LRBA: variants seen among roughly 807,000 people sequenced by gnomAD.
LRBA encodes lipopolysaccharide-responsive and beige-like anchor protein.
A neutral mutation model predicts 330.0 loss-of-function variants in LRBA; 176 were observed. The observed-to-expected ratio is 0.53, with a 90% CI of 0.47 to 0.60. The LOEUF is 0.60. Among genes scored for constraint, LRBA ranks in the 20% least tolerant of loss-of-function variants. LRBA has a pLI of 0.00. For synonymous variants in LRBA, 1,230 were observed against 1,193.0 expected (o/e 1.03, Z -0.64); for missense variants, 3,259 against 3,444.8 (o/e 0.95, Z 1.35).
intron 51 of LRBA, among the ~76,000 whole-genome samples, chr4:150,314,253 C>A (rs1345740803): frequency 1.3e-5 from 2 of 152,036 alleles, no homozygotes; most frequent in Non-Finnish European, 2.9e-5. Flanking sequence ...ATTTTCCTGA[C>A]TTTTAAACTA....
At chr4:150,784,326 T>C (rs1560812803) in intron 34 of LRBA, among the ~76,000 whole-genome samples, 1 of 152,200 alleles carries the variant, frequency 6.6e-6, no homozygotes, top group African/African-American at 2.4e-5. Flanking sequence ...CTTGTAAAAG[T>C]CCTGGCTCTT....
intron 40 of LRBA, among the ~76,000 whole-genome samples, chr4:150,522,797 G>T (rs1763061002): frequency 6.6e-6 from 1 of 152,214 alleles, no homozygotes. Flanking sequence ...GTGGAGGCAT[G>T]ACTTCTCCAC....
intron 22 of LRBA, among the ~76,000 whole-genome samples, chr4:150,860,610 G>A (rs924140271): frequency 3.3e-5 from 5 of 152,046 alleles, no homozygotes; most frequent in Non-Finnish European, 4.4e-5. Context: ...CGTGGATCAC[G>A]AGGTCAGGAG....
rs185945225 is a variant in LRBA, at chr4:150,735,469, T to C, written c.5646-103A>G. On this transcript the variant is annotated intron_variant, in intron 35 of 56. Coordinates refer to ENST00000651943, the MANE Select transcript of LRBA (RefSeq NM_001364905.1). ...GAGGAAGGAATACTTACTTTCTTCTTTTGACATCATACACAATGAGGTACC... is the reference window on the plus strand; with the variant it reads ...GAGGAAGGAATACTTACTTTCTTCTCTTGACATCATACACAATGAGGTACC... 73 of 766,772 alleles carry C rather than the reference T, an allele frequency of 9.5e-5. 1 individual carries two copies. The Admixed American group carries it at 1.4e-3, about 15-fold the overall frequency. The allele number at this position is 766,772 out of a possible 1,614,324, so 47.5% of individuals were successfully genotyped here.
chr4:150,764,417 A>G (rs1029806277), intron 34 of LRBA, among the ~76,000 whole-genome samples: 1 of 152,030 alleles, frequency 6.6e-6, no homozygotes, highest in Non-Finnish European at 1.5e-5. Flanking sequence ...TCTACAAAAA[A>G]TCCTGGAATA....
Position 150,906,333 on chromosome 4 carries a change from A to T in LRBA, c.1566T>A (p.Cys522Ter). 6.2e-7 allele frequency: 1 copy of T among 1,611,566 alleles called. No homozygotes were observed. Among genetic ancestry groups the T allele is most frequent in the East Asian group, 2.2e-5 (1 of 44,832 alleles). The change falls in exon 12 of 57, where the codon TGT becomes TGA. Residue 522 changes from cysteine to a stop codon, truncating the protein, a stop_gained. Coordinates refer to ENST00000651943, the MANE Select transcript of LRBA (RefSeq NM_001364905.1). LOFTEE classifies it high-confidence loss of function. ...TATATCCTATTACCAAGAAGCCCTT[A>T]CAGGCAAGCATCTGTTCCTGCATAG... ...SIAMQEQMLA[C>*]KGFLVIGYSL...
At chr4:150,900,291 T>G in intron 13 of LRBA, 74 bp from the exon 14 acceptor site, 1 of 1,115,366 alleles carries the variant, frequency 9.0e-7, no homozygotes, top group Non-Finnish European at 1.3e-6. Context: ...TTCCAGGCTG[T>G]TTTATTTTCA....
chr4:151,009,022 TATATAA>T (rs771423100), intron 2 of LRBA, among the ~76,000 whole-genome samples: 1,159 of 18,942 alleles, frequency 0.061, 332 homozygotes, highest in African/African-American at 0.1. Context: ...TATATATATA[TATATAA>T]AATGGTATTT....
At chr4:150,494,263 C>G (rs147496799) in intron 40 of LRBA, among the ~76,000 whole-genome samples, 520 of 152,196 alleles carry the variant, frequency 3.4e-3, no homozygotes, top group Non-Finnish European at 5.5e-3. Context: ...ATCTGTTAAA[C>G]TAGAACCCAA....
chr4:150,677,970 C>T (rs1226502824), intron 37 of LRBA, among the ~76,000 whole-genome samples: 3 of 151,934 alleles, frequency 2.0e-5, no homozygotes, highest in East Asian at 1.9e-4. Flanking sequence ...CCAGGCATGG[C>T]GGCTCACACC....
At chr4:150,726,523 T>C (rs1729697613) in intron 36 of LRBA, among the ~76,000 whole-genome samples, 2 of 152,152 alleles carry the variant, frequency 1.3e-5, no homozygotes, top group African/African-American at 4.8e-5. Context: ...GGGTAATTTA[T>C]AAAGGAAAGA....
intron 46 of LRBA, among the ~76,000 whole-genome samples, chr4:150,425,709 G>A (rs1217714800): frequency 1.3e-5 from 2 of 152,050 alleles, no homozygotes; most frequent in East Asian, 1.9e-4. Context: ...ATATATTGGG[G>A]CAAACATACC....
At chr4:150,932,491 CAT>C (rs1356477393) in intron 2 of LRBA, among the ~76,000 whole-genome samples, 1 of 151,590 alleles carries the variant, frequency 6.6e-6, no homozygotes, top group Admixed American at 6.6e-5. Flanking sequence ...ACCATTTTTA[CAT>C]ATTTGATTGA....
At chr4:150,573,913 T>G (rs2152287676) in intron 40 of LRBA, among the ~76,000 whole-genome samples, 1 of 152,280 alleles carries the variant, frequency 6.6e-6, no homozygotes, top group African/African-American at 2.4e-5. Flanking sequence ...ATATCATAGT[T>G]GCTTAGCACA....
intron 30 of LRBA, among the ~76,000 whole-genome samples, chr4:150,819,782 C>T (rs1401191361): frequency 6.6e-6 from 1 of 152,050 alleles, no homozygotes; most frequent in Non-Finnish European, 1.5e-5. Context: ...CATTTCTAAT[C>T]CTCTAGCCTC....
At chr4:150,658,536 T>C (rs1490386117) in intron 37 of LRBA, among the ~76,000 whole-genome samples, 5 of 22 alleles carry the variant, frequency 0.23, no homozygotes, top group African/African-American at 0.23. Flanking sequence ...TCCCTCTCCC[T>C]CTCCCTCTCC....
chr4:150,831,693 T>C (rs1747214870), intron 29 of LRBA, 124 bp downstream of exon 29: 5 of 607,644 alleles, frequency 8.2e-6, no homozygotes, highest in Non-Finnish European at 1.3e-5. Context: ...AATAAAAATA[T>C]ATGTATGCTC....
chr4:150,965,229 A>C (rs1184604143), intron 2 of LRBA, among the ~76,000 whole-genome samples: 1 of 152,212 alleles, frequency 6.6e-6, no homozygotes, highest in Non-Finnish European at 1.5e-5. Context: ...ACTGGAAACA[A>C]CCCAGTAAAC....
At chr4:150,729,350 A>G (rs1407787864) in intron 36 of LRBA, among the ~76,000 whole-genome samples, 2 of 152,188 alleles carry the variant, frequency 1.3e-5, no homozygotes, top group African/African-American at 2.4e-5. Flanking sequence ...CTATATGCCA[A>G]CAGTGAACAA....
Sources: allele counts gnomAD v4.1 joint callset (sites outside exome capture counted in the v4.1 genomes callset), GRCh38; gene constraint gnomAD v4.1.1; transcripts MANE v1.5; gene names NCBI Gene and HGNC (gene_info 2026-07-23, HGNC 2026-07-21).